SYK: variants seen among roughly 807,000 people sequenced by gnomAD.
The protein encoded by SYK is tyrosine-protein kinase SYK.
Under a neutral mutation model 77.8 loss-of-function variants are expected in SYK, and 16 were observed. The ratio of observed to expected loss-of-function variants is 0.21; its 90% CI spans 0.14 to 0.31. SYK has a LOEUF of 0.31. Among genes scored for constraint, SYK ranks in the 10% least tolerant of loss-of-function variants. The pLI, the probability that SYK is intolerant of heterozygous loss-of-function variation, is 1.00. For synonymous variants in SYK, 312 were observed against 308.7 expected, an observed-to-expected ratio of 1.01 and a Z score of -0.11; for missense variants, 529 against 814.4, an observed-to-expected ratio of 0.65 and a Z score of 4.26.
At chr9:90,854,987 C>T (rs1041165547) in intron 3 of SYK, among the ~76,000 whole-genome samples, 1 of 133,264 alleles carries the variant, frequency 7.5e-6, no homozygotes, top group East Asian at 2.1e-4. Context: ...GCCCGCCTCT[C>T]TCTCTCTCAC....
At chr9:90,809,146 C>T (rs764776232) in intron 1 of SYK, among the ~76,000 whole-genome samples, 5 of 152,204 alleles carry the variant, frequency 3.3e-5, no homozygotes, top group Admixed American at 6.5e-5. Context: ...GGCTGCATCG[C>T]AGGCCTTGGC....
At chr9:90,810,326 T>A (rs1263495525) in intron 1 of SYK, among the ~76,000 whole-genome samples, 1 of 152,132 alleles carries the variant, frequency 6.6e-6, no homozygotes, top group East Asian at 1.9e-4. Flanking sequence ...ATGCTCCCTG[T>A]GTGCCTGTCT....
chr9:90,862,965 C>T (rs1047822722), intron 4 of SYK, among the ~76,000 whole-genome samples: 1 of 152,166 alleles, frequency 6.6e-6, no homozygotes, highest in Non-Finnish European at 1.5e-5. Context: ...CAGGCTGCTG[C>T]TTATGCTGAT....
chr9:90,883,706 A>G (rs1014469009), intron 11 of SYK, among the ~76,000 whole-genome samples: 2 of 152,084 alleles, frequency 1.3e-5, no homozygotes, highest in Non-Finnish European at 2.9e-5. Context: ...TGTTGCAGCC[A>G]CCGCCAACAC....
At position 90,867,147 on chromosome 9, in the gene SYK, G is replaced by A. The variant is rs143341039; in HGVS notation, c.863G>A (p.Gly288Glu). ...GSHPATWSAG[G>E]IISRIKSYSF... is the part of the protein sequence containing the mutation. ...GGTTTCTAGACTTGGTCAGCGGGTG[G>A]AATAATCTCAAGAATCAAATCATAC... The change falls in exon 7 of 14, where the codon GGA becomes GAA. Residue 288 changes from glycine (G) to glutamate (E), a missense_variant. Around this residue, in one of 2 missense-constraint regions of SYK, gnomAD observed 321 missense variants for 433.1 expected, o/e 0.74. Transcript: ENST00000375754. 9.3e-6 allele frequency: 15 copies of A among 1,613,968 alleles called. No individual in the cohort carries two copies. The highest frequency in any genetic ancestry group is 1.3e-5 in the Non-Finnish European group (15 of 1,180,030).
At chr9:90,811,630 A>G (rs950702961) in intron 1 of SYK, among the ~76,000 whole-genome samples, 4 of 152,332 alleles carry the variant, frequency 2.6e-5, no homozygotes, top group African/African-American at 7.2e-5. Context: ...TAAAAAACTC[A>G]TGCTGGGTTG....
At chr9:90,864,218 C>G (rs113451688) in intron 4 of SYK, among the ~76,000 whole-genome samples, 20 of 152,332 alleles carry the variant, frequency 1.3e-4, no homozygotes, top group African/African-American at 4.3e-4. Context: ...AACCCACAGA[C>G]CAACTCTGGC....
intron 9 of SYK, among the ~76,000 whole-genome samples, chr9:90,877,041 C>T (rs1376800641): frequency 6.6e-6 from 1 of 152,100 alleles, no homozygotes. Context: ...TACTGTTCTT[C>T]ACCATTCTTT....
At chr9:90,818,358 T>A (rs1825374030) in intron 1 of SYK, among the ~76,000 whole-genome samples, 1 of 152,202 alleles carries the variant, frequency 6.6e-6, no homozygotes, top group Admixed American at 6.5e-5. Flanking sequence ...ACCAAAAAAG[T>A]TCCTGGGGCA....
rs1829010955 is a variant in SYK, at chr9:90,896,926, C to A, written c.*1326C>A. The A allele has an allele frequency of 5.1e-6, 1 of 196,416 alleles. No homozygotes were observed. Among genetic ancestry groups the A allele is most frequent in the Non-Finnish European group, 1.1e-5 (1 of 94,814 alleles). The allele number at this position is 196,416 out of a possible 1,614,324, so 12.2% of individuals were successfully genotyped here. A position where few individuals can be genotyped will look rare whatever the true frequency, so the allele number is the denominator to read the frequency against. ...TCTGTAGTCCCAGCTACTCGGGAGG[C>A]TGAGGCAGGAGAATCGCTTGAACCC... On this transcript the variant is annotated 3_prime_UTR_variant, in exon 14 of 14. Transcript: ENST00000375754.
chr9:90,849,907 C>T (rs1355123617), intron 3 of SYK, among the ~76,000 whole-genome samples: 1 of 152,260 alleles, frequency 6.6e-6, no homozygotes, highest in Admixed American at 6.5e-5. Context: ...TGGCACCGAA[C>T]GAAGCAGCTT....
rs371399205 is a variant in SYK at position 90,897,582 on chromosome 9, C to T, written c.*1982C>T. 9 of 229,556 alleles carry T rather than the reference C, an allele frequency of 3.9e-5. No individual in the cohort carries two copies. The South Asian group carries it at 5.5e-4, about 14-fold the overall frequency. The allele number at this position is 229,556 out of a possible 1,614,324, so 14.2% of individuals were successfully genotyped here. ...CACAGGCCCCGTGCTCGTAGGAATA[C>T]GGTAGCACCTATGTAGGAAGTGCGT... On this transcript the variant is annotated 3_prime_UTR_variant, in exon 14 of 14. Transcript: ENST00000375754.
intron 3 of SYK, among the ~76,000 whole-genome samples, chr9:90,849,289 C>G (rs143489853): frequency 1.3e-5 from 2 of 152,284 alleles, no homozygotes; most frequent in African/African-American, 4.8e-5. Flanking sequence ...TTTCTCATGC[C>G]TGAGCATCAG....
At chr9:90,851,292 A>G (rs1167353473) in intron 3 of SYK, among the ~76,000 whole-genome samples, 1 of 152,230 alleles carries the variant, frequency 6.6e-6, no homozygotes, top group African/African-American at 2.4e-5. Context: ...AGAGGCGTCC[A>G]TCAGCTTTCC....
intron 13 of SYK, among the ~76,000 whole-genome samples, chr9:90,894,795 G>T (rs1828920261): frequency 6.6e-6 from 1 of 152,344 alleles, no homozygotes; most frequent in Non-Finnish European, 1.5e-5. Flanking sequence ...GGATGTCTGT[G>T]TAAGACAAAA....
intron 3 of SYK, among the ~76,000 whole-genome samples, chr9:90,854,341 A>G (rs942679174): frequency 6.6e-6 from 1 of 152,106 alleles, no homozygotes. Context: ...TAGTTTGCAG[A>G]TGTCTGGAGA....
intron 6 of SYK, among the ~76,000 whole-genome samples, chr9:90,866,817 CG>C (rs1827517468): frequency 6.6e-6 from 1 of 152,168 alleles, no homozygotes; most frequent in Non-Finnish European, 1.5e-5. Flanking sequence ...TAGTTTCTTT[CG>C]GTGGTTTGTC....
chr9:90,888,573 C>T lies in SYK; in HGVS notation c.1781C>T (p.Pro594Leu). 6.2e-7 allele frequency: 1 copy of T among 1,612,380 alleles called. No individual in the cohort carries two copies. The highest frequency in any genetic ancestry group is 8.5e-7 in the Non-Finnish European group (1 of 1,179,442). ...GAGAAAGGAGAGCGGATGGGGTGCC[C>T]TGCAGGGTGTCCAAGAGAGATGTAC... ...MLEKGERMGC[P>L]AGCPREMYDL... Residue 594 changes from proline to leucine, a missense_variant, in exon 13 of 14, where the codon CCT (proline) becomes CTT (leucine). Pro to Leu is a moderately conservative substitution (Grantham distance 98). Around this residue, in one of 2 missense-constraint regions of SYK, gnomAD observed 208 missense variants for 381.3 expected, o/e 0.55. Transcript: ENST00000375754.
chr9:90,897,959 G>A lies in SYK; in HGVS notation c.*2359G>A, dbSNP rs1829055452. ...AATTGAAGGATTGGTCATGTGAAAA[G>A]GGCTACATTTGGGAAGCTGGGAAAG... On this transcript the variant is annotated 3_prime_UTR_variant, in exon 14 of 14. Transcript: ENST00000375754. The A allele has an allele frequency of 8.7e-6, 2 of 229,052 alleles. No individual in the cohort carries two copies. Among genetic ancestry groups the A allele is most frequent in the Admixed American group, 1.1e-4 (2 of 17,652 alleles). 14.2% of individuals were successfully genotyped at this position (229,052 alleles called of 1,614,324 possible).
Sources: allele counts gnomAD v4.1 joint callset (sites outside exome capture counted in the v4.1 genomes callset), GRCh38; gene constraint gnomAD v4.1.1; regional missense constraint gnomAD v4.1.1; transcripts MANE v1.5; gene names NCBI Gene and HGNC (gene_info 2026-07-23, HGNC 2026-07-21).